Variants in USP20 observed in about 807,000 individuals in gnomAD.
The protein encoded by USP20 is ubiquitin carboxyl-terminal hydrolase 20.
USP20 carries 80 observed loss-of-function variants against 124.2 expected under a neutral mutation model. The ratio of observed to expected loss-of-function variants is 0.64; its 90% CI spans 0.54 to 0.78. The LOEUF is 0.78. Ranked by LOEUF, USP20 falls within the 30% of genes least tolerant of loss-of-function variation. USP20 has a pLI of 0.00. For synonymous variants in USP20, 481 were observed against 512.3 expected, an observed-to-expected ratio of 0.94 and a Z score of 0.83; for missense variants, 1,043 against 1,244.4, an observed-to-expected ratio of 0.84 and a Z score of 2.44.
chr9:129,855,921 C>T (rs1021412333), intron 3 of USP20, among the ~76,000 whole-genome samples: 5 of 152,200 alleles, frequency 3.3e-5, no homozygotes, highest in East Asian at 1.9e-4. Flanking sequence ...TCTTTCATGG[C>T]GCCCTTGTCT....
chr9:129,877,817 T>A (rs118116348), intron 22 of USP20, among the ~76,000 whole-genome samples: 1,952 of 152,146 alleles, frequency 0.013, 19 homozygotes, highest in Middle Eastern at 0.027. Flanking sequence ...TCATGCCTGT[T>A]ATCCCAGCAC....
At chr9:129,861,073 TG>T (rs1371249591) in intron 7 of USP20, 40 bp downstream of exon 7, 1 of 1,589,754 alleles carries the variant, frequency 6.3e-7, no homozygotes, top group South Asian at 1.1e-5. Context: ...TGGGCTGGGC[TG>T]GGGGCCCTCA....
At chr9:129,857,931 C>A in intron 4 of USP20, 119 bp from the exon 5 acceptor site, 1 of 847,654 alleles carries the variant, frequency 1.2e-6, no homozygotes, top group Non-Finnish European at 2.0e-6. Context: ...GAGCCTCAGT[C>A]CCTTGTGGCC....
chr9:129,868,743 G>A, intron 11 of USP20, 119 bp from the exon 12 acceptor site: 1 of 1,460,032 alleles, frequency 6.8e-7, no homozygotes, highest in Non-Finnish European at 9.1e-7. Context: ...ACATGACAGA[G>A]GAGACACATT....
intron 2 of USP20, among the ~76,000 whole-genome samples, chr9:129,851,327 A>T (rs1209870886): frequency 6.9e-6 from 1 of 144,556 alleles, no homozygotes; most frequent in Non-Finnish European, 1.5e-5. Flanking sequence ...TGGCATGGTC[A>T]CGGCTCACTG....
intron 15 of USP20, among the ~76,000 whole-genome samples, chr9:129,871,958 C>T (rs951294094): frequency 4.6e-5 from 7 of 151,568 alleles, no homozygotes; most frequent in East Asian, 4.0e-4. Context: ...TCAGGTGATC[C>T]GCCTGCCTTG....
At position 129,857,766 on chromosome 9, in the gene USP20, A is replaced by T. The variant is rs151229578; in HGVS notation, c.136-284A>T. Among the ~76,000 whole-genome samples, 767 of 152,308 alleles carry T rather than the reference A, an allele frequency of 5.0e-3. 3 individuals carry two copies. The highest frequency in any genetic ancestry group is 0.018 in the African/African-American group (728 of 41,562). The stretch of plus-strand genomic sequence containing the variant: ...TCTTGGTCCCGAGCAGCCAGGCCCC[A>T]GCTGGGACCCCGCCTGGGCTTCTTG... On this transcript the variant is annotated intron_variant, in intron 4 of 25. Coordinates refer to ENST00000372429, the MANE Select transcript of USP20 (RefSeq NM_001110303.4).
intron 10 of USP20, 124 bp from the exon 11 acceptor site, chr9:129,867,878 CTCT>C: frequency 8.4e-7 from 1 of 1,195,534 alleles, no homozygotes. Flanking sequence ...GGGTGAGCAA[CTCT>C]TCTGCAGGGG....
At chr9:129,842,859 C>G (rs1317177157) in intron 1 of USP20, among the ~76,000 whole-genome samples, 2 of 152,064 alleles carry the variant, frequency 1.3e-5, no homozygotes, top group Admixed American at 1.3e-4. Flanking sequence ...TCCCAAAGTG[C>G]TGGGATTACA....
chr9:129,862,396 A>T (rs2033593857), intron 8 of USP20, among the ~76,000 whole-genome samples: 1 of 152,126 alleles, frequency 6.6e-6, no homozygotes, highest in South Asian at 2.1e-4. Flanking sequence ...TACTAAAAAT[A>T]CAAAAAACTA....
rs117063673 is a variant in USP20, at chr9:129,878,319, G to A, written c.2410-19G>A. On this transcript the variant is annotated intron_variant, in intron 22 of 25. Transcript: ENST00000372429. ...ACTGACCTGCCCTCTGTCTCCTCCC[G>A]TCCCTGCCCGCCTGCCAGTTGAACA... 0.017 allele frequency: 26,587 copies of A among 1,562,188 alleles called. 295 individuals carry two copies. The highest frequency in any genetic ancestry group is 0.024 in the East Asian group (1,002 of 42,116).
chr9:129,863,067 G>GGTCCC (rs2033631400), intron 8 of USP20, 119 bp from the exon 9 acceptor site: 2 of 617,846 alleles, frequency 3.2e-6, no homozygotes, highest in Admixed American at 7.0e-5. Flanking sequence ...GGAGTTTCTG[G>GGTCCC]GTCCAGGGCC....
At position 129,878,406 on chromosome 9, in the gene USP20, G is replaced by A; in HGVS notation, c.2478G>A (p.Arg826=). The A allele has an allele frequency of 6.2e-7, 1 of 1,610,348 alleles. No homozygotes were observed. The highest frequency in any genetic ancestry group is 2.2e-5 in the East Asian group (1 of 44,768). The change falls in exon 23 of 26, where the codon CGG becomes CGA. Residue 826 remains arginine, a synonymous_variant. Transcript: ENST00000372429. ...VIYCISMQWF[R]EWEAFVKGKD... ...ACTGCATCAGCATGCAGTGGTTCCG[G>A]GAGTGGGAGGCGTTCGTCAAGGGGA... is the stretch of plus-strand genomic sequence containing the variant.
chr9:129,875,219 G>A, intron 19 of USP20, 91 bp from the exon 20 acceptor site: 2 of 1,390,958 alleles, frequency 1.4e-6, no homozygotes, highest in Non-Finnish European at 1.9e-6. Flanking sequence ...GACAGGGCCG[G>A]TAGCCCGAGG....
rs2034561716 is a variant in USP20, at chr9:129,879,723, G to A, written c.2584+79G>A. 3 of 1,528,814 alleles carry A rather than the reference G, an allele frequency of 2.0e-6. No homozygotes were observed. Among genetic ancestry groups the A allele is most frequent in the Non-Finnish European group, 9.0e-7 (1 of 1,106,498 alleles). 94.7% of individuals were successfully genotyped at this position (1,528,814 alleles called of 1,614,324 possible). ...GCTGCTGCCCAGTCCCGTCCTTCCA[G>A]GAGCCCCCTTACCACCTGTCTTAGA... is the stretch of plus-strand genomic sequence containing the variant. On this transcript the variant is annotated intron_variant, in intron 24 of 25. Transcript: ENST00000372429. This position sits in a 1 kb window ranked among gnomAD's most constrained non-coding sequence, Gnocchi z 4.2.
chr9:129,876,317 C>G, intron 22 of USP20, 79 bp downstream of exon 22: 10 of 1,224,102 alleles, frequency 8.2e-6, no homozygotes, highest in South Asian at 1.3e-5. Flanking sequence ...ACAGAAGAAT[C>G]CTGTGCAGTC....
chr9:129,874,858 G>A lies in USP20; in HGVS notation c.1951G>A (p.Val651Met), dbSNP rs368776766. The A allele has an allele frequency of 3.0e-5, 49 of 1,614,034 alleles. No individual in the cohort carries two copies. Among genetic ancestry groups the A allele is most frequent in the South Asian group, 7.7e-5 (7 of 91,090 alleles). Residue 651 changes from valine to methionine, a missense_variant, in exon 19 of 26, where the codon GTG (valine) becomes ATG (methionine). Coordinates refer to ENST00000372429, the MANE Select transcript of USP20 (RefSeq NM_001110303.4). ...GCACTACATCGCCTACTGCCAGAAC[G>A]TGATCAATGGGCAGTGGTACGAGTT... is the stretch of plus-strand genomic sequence containing the variant. ...SGHYIAYCQN[V>M]INGQWYEFDD...
intron 2 of USP20, among the ~76,000 whole-genome samples, chr9:129,850,219 C>CT (rs3837285): frequency 0.012 from 1,812 of 151,906 alleles, 16 homozygotes; most frequent in Middle Eastern, 0.024. Flanking sequence ...TTGTTTTTTC[C>CT]TTTTTTTTCT....
In USP20 at chr9:129,880,140, A is replaced by C. The variant is rs1287464177; in HGVS notation, c.2612A>C (p.Glu871Ala). The change falls in exon 25 of 26, where the codon GAG becomes GCG. Residue 871 changes from glutamate (E) to alanine (A), a missense_variant. Transcript: ENST00000372429. ...GCTGACTACGGGCAGATTTCGGAGG[A>C]GACCTGGACCTACCTGAACAGCCTG... ...QGADYGQISE[E>A]TWTYLNSLYG... is the part of the protein sequence containing the mutation. 3 of 1,613,760 alleles carry C rather than the reference A, an allele frequency of 1.9e-6. No homozygotes were observed. The highest frequency in any genetic ancestry group is 2.5e-6 in the Non-Finnish European group (3 of 1,179,968).
Sources: gnomAD v4.1 joint callset for allele counts (sites outside exome capture counted in the v4.1 genomes callset) on GRCh38, gnomAD v4.1.1 for gene constraint, Gnocchi (gnomAD v3.1) non-coding constraint, MANE v1.5 for transcripts, NCBI Gene and HGNC (gene_info 2026-07-23, HGNC 2026-07-21) for gene names.